Variants in GLB1 observed in about 807,000 individuals in gnomAD.
The protein encoded by GLB1 is galactosidase beta 1.
Under a neutral mutation model 74.0 loss-of-function variants are expected in GLB1, and 56 were observed. The observed-to-expected ratio is 0.76, with a 90% CI of 0.61 to 0.94. GLB1 has a LOEUF of 0.94. Among genes scored for constraint, GLB1 ranks in the 40% least tolerant of loss-of-function variants. The probability of loss-of-function intolerance (pLI) is 0.00; values close to 1 mark genes in which losing one functional copy is unlikely to be tolerated. For synonymous variants in GLB1, 323 were observed against 323.6 expected (o/e 1.00, Z 0.02); for missense variants, 787 against 845.5 (o/e 0.93, Z 0.86).
chr3:33,077,201 G>T, intron 1 of GLB1: 1 of 1,508,168 alleles, frequency 6.6e-7, no homozygotes. Context: ...TTAGGCGCTT[G>T]CCGTGGCAGA....
chr3:33,013,948 C>CA, intron 15 of GLB1, 108 bp downstream of exon 15: 2 of 1,581,328 alleles, frequency 1.3e-6, no homozygotes, highest in Non-Finnish European at 1.7e-6. Flanking sequence ...ACGCCACACT[C>CA]AAAACCATCA....
chr3:33,039,651 A>T (rs1316974886), intron 10 of GLB1, among the ~76,000 whole-genome samples: 1 of 152,234 alleles, frequency 6.6e-6, no homozygotes, highest in Non-Finnish European at 1.5e-5. Context: ...CGTCTAACAC[A>T]CATATCACTG....
chr3:33,047,913 G>A (rs1044530364), intron 9 of GLB1, among the ~76,000 whole-genome samples: 9 of 151,786 alleles, frequency 5.9e-5, no homozygotes, highest in African/African-American at 2.2e-4. Context: ...TGCCTTAAGG[G>A]ATTCATAGGT....
intron 10 of GLB1, among the ~76,000 whole-genome samples, chr3:33,035,475 G>T (rs1225140131): frequency 6.6e-6 from 1 of 151,952 alleles, no homozygotes; most frequent in African/African-American, 2.4e-5. Flanking sequence ...TAATCTTTTT[G>T]TTATGGACTG....
chr3:33,045,561 C>A (rs1474267190), intron 10 of GLB1: 2 of 990,384 alleles, frequency 2.0e-6, no homozygotes, highest in Admixed American at 5.7e-5. Flanking sequence ...AGAAATAATT[C>A]TTATACACTT....
intron 7 of GLB1, 98 bp from the exon 8 acceptor site, chr3:33,052,102 G>C: frequency 6.3e-7 from 1 of 1,593,424 alleles, no homozygotes; most frequent in Non-Finnish European, 8.5e-7. Flanking sequence ...TGTAAAGGGG[G>C]TTGACATGCT....
the GLB1 span, among the ~76,000 whole-genome samples, chr3:32,980,333 T>C: frequency 1.3e-5 from 2 of 152,240 alleles, no homozygotes; most frequent in African/African-American, 4.8e-5. Flanking sequence ...ATTACAGGCA[T>C]GAGCCACCAC....
intron 10 of GLB1, chr3:33,033,764 G>A: frequency 3.4e-6 from 1 of 295,574 alleles, no homozygotes; most frequent in South Asian, 2.9e-5. Flanking sequence ...CTGGGTGACA[G>A]AGCGAGACTG....
intron 11 of GLB1, 39 bp downstream of exon 11, chr3:33,024,212 T>A: frequency 6.3e-7 from 1 of 1,575,854 alleles, no homozygotes; most frequent in Admixed American, 1.8e-5. Flanking sequence ...CTCACTCCCA[T>A]CTCTCACTTT....
chr3:33,009,154 T>TAAATAAATAAATAAATAAATA (rs761134064), intron 15 of GLB1, among the ~76,000 whole-genome samples: 4 of 131,518 alleles, frequency 3.0e-5, no homozygotes, highest in Non-Finnish European at 5.1e-5. Context: ...AATAAATAAA[T>TAAATAAATAAATAAATAAATA]AAAAAAGATT....
intron 1 of GLB1, among the ~76,000 whole-genome samples, chr3:33,095,097 G>C (rs1373064291): frequency 1.3e-5 from 2 of 151,124 alleles, no homozygotes; most frequent in Non-Finnish European, 2.9e-5. Flanking sequence ...TGTAATCCCA[G>C]CTACTCGGGA....
rs754913926 is a variant in GLB1, at chr3:32,997,190, T to C, written c.1889A>G (p.Asp630Gly). 20 of 1,614,010 alleles carry C rather than the reference T, an allele frequency of 1.2e-5. No homozygotes were observed. Among genetic ancestry groups the C allele is most frequent in the South Asian group, 6.6e-5 (6 of 91,080 alleles). Residue 630 changes from aspartate to glycine, a missense_variant, in exon 16 of 16, where the codon GAT becomes GGT. Physicochemically the swap from Asp to Gly is moderately conservative, Grantham distance 94. Coordinates refer to ENST00000307363, the MANE Select transcript of GLB1 (RefSeq NM_000404.4). ...GAACGTCACAGCACATAGTTCTGGATCATCACTGCTGCAGGGTGCCCACTC... is the reference window on the plus strand; with the variant it reads ...GAACGTCACAGCACATAGTTCTGGACCATCACTGCTGCAGGGTGCCCACTC... ...ELEWAPCSSD[D>G]PELCAVTFVD...
At chr3:33,034,177 C>T (rs1396591632) in intron 10 of GLB1, 5 of 628,968 alleles carry the variant, frequency 7.9e-6, no homozygotes, top group Non-Finnish European at 1.5e-5. Context: ...ATGACTCCTC[C>T]GTGAACTCTG....
chr3:33,081,576 G>A (rs886513981), intron 1 of GLB1, among the ~76,000 whole-genome samples: 7 of 152,208 alleles, frequency 4.6e-5, no homozygotes, highest in African/African-American at 1.4e-4. Context: ...GCACTGGTGA[G>A]GAGGGCCCTG....
intron 1 of GLB1, among the ~76,000 whole-genome samples, chr3:33,081,899 G>A (rs368248393): frequency 6.6e-6 from 1 of 152,232 alleles, no homozygotes; most frequent in African/African-American, 2.4e-5. Flanking sequence ...GTCAACAACT[G>A]CATGGAAAAT....
At chr3:33,060,798 A>C (rs1699412023) in intron 5 of GLB1, among the ~76,000 whole-genome samples, 1 of 152,166 alleles carries the variant, frequency 6.6e-6, no homozygotes, top group African/African-American at 2.4e-5. Flanking sequence ...CTACATGTAA[A>C]TCTGAGCTCT....
Position 32,997,127 on chromosome 3 carries a change from T to C in GLB1, c.1952A>G (p.Asp651Gly), listed in dbSNP as rs1218650510. 2 of 1,614,082 alleles carry C rather than the reference T, an allele frequency of 1.2e-6. No individual in the cohort carries two copies. The change falls in exon 16 of 16, where the codon GAT (aspartate) becomes GGT (glycine). Residue 651 changes from aspartate to glycine, a missense_variant. Physicochemically the swap from Asp to Gly is moderately conservative, Grantham distance 94 (BLOSUM62 -1). Transcript: ENST00000307363. ...RPVIGSSVTY[D>G]HPSKPVEKRL... ...TTTTTCAACAGGTTTGGAGGGATGATCGTAGGTCACAGATGAGCCAATAAC... is the reference window on the plus strand; with the variant it reads ...TTTTTCAACAGGTTTGGAGGGATGACCGTAGGTCACAGATGAGCCAATAAC...
intron 10 of GLB1, 128 bp from the exon 11 acceptor site, chr3:33,024,453 C>T: frequency 9.9e-7 from 1 of 1,010,306 alleles, no homozygotes; most frequent in Non-Finnish European, 1.4e-6. Flanking sequence ...TTTGGAAAAT[C>T]AAAGGAACTA....
At chr3:32,986,485 G>C in the GLB1 span, among the ~76,000 whole-genome samples, 5 of 152,070 alleles carry the variant, frequency 3.3e-5, no homozygotes, top group Non-Finnish European at 7.4e-5. Context: ...TGAGCTCCCT[G>C]ATATTATTGC....
Sources: gnomAD v4.1 joint callset for allele counts (sites outside exome capture counted in the v4.1 genomes callset) on GRCh38, gnomAD v4.1.1 for gene constraint, MANE v1.5 for transcripts, NCBI Gene and HGNC (gene_info 2026-07-23, HGNC 2026-07-21) for gene names.